ZFYVE28: variants seen among roughly 807,000 people sequenced by gnomAD.
The protein encoded by ZFYVE28 is zinc finger FYVE-type containing 28, also known as lateral signaling target protein 2 homolog.
In ZFYVE28, 40 loss-of-function variants were observed where a neutral mutation model predicts 82.1. The ratio of observed to expected loss-of-function variants is 0.49; its 90% confidence interval spans 0.38 to 0.63. ZFYVE28 has a LOEUF of 0.63. Ranked by LOEUF, ZFYVE28 falls within the 30% of genes least tolerant of loss-of-function variation. ZFYVE28 has a pLI of 0.00. For missense variants in ZFYVE28, 1,321 were observed against 1,242.1 expected (o/e 1.06, Z -0.96); for synonymous variants, 612 against 546.1 (o/e 1.12, Z -1.68).
chr4:2,273,280 T>G lies in ZFYVE28; in HGVS notation c.2216A>C (p.Asp739Ala). ...ACTGGCATAGTTCGTCTGCAGCTGGTCAGCCACACCTGAGGAAGGAAGGCC... is the reference window on the plus strand; with the variant it reads ...ACTGGCATAGTTCGTCTGCAGCTGGGCAGCCACACCTGAGGAAGGAAGGCC... ...RLFVCISGVADQLQTNYASDL... is the reference protein window; with the variant it reads ...RLFVCISGVAAQLQTNYASDL... Residue 739 changes from aspartate to alanine, a missense_variant, in exon 10 of 13, where the codon GAC becomes GCC. By Grantham distance (126) the Asp-to-Ala change is moderately radical (BLOSUM62 -2). This residue lies in a region of ZFYVE28 where 978 missense variants were observed against 833.7 expected (regional missense o/e 1.17). Transcript: ENST00000290974. 1 of 1,612,050 alleles carries G rather than the reference T, an allele frequency of 6.2e-7. No individual in the cohort carries two copies. Among genetic ancestry groups the G allele is most frequent in the African/African-American group, 1.3e-5 (1 of 75,040 alleles).
intron 7 of ZFYVE28, among the ~76,000 whole-genome samples, chr4:2,308,150 T>C (rs1383749069): frequency 6.6e-6 from 1 of 152,014 alleles, no homozygotes; most frequent in African/African-American, 2.4e-5. Context: ...AATGGGGTCT[T>C]GTTCTGTCAC....
chr4:2,292,514 G>C (rs943882383), intron 8 of ZFYVE28, among the ~76,000 whole-genome samples: 4 of 152,226 alleles, frequency 2.6e-5, no homozygotes, highest in Admixed American at 1.3e-4. Context: ...AGGTCATCGA[G>C]TGCCTGATAA....
intron 1 of ZFYVE28, among the ~76,000 whole-genome samples, chr4:2,356,483 T>C (rs73070613): frequency 0.015 from 2,160 of 142,250 alleles, 50 homozygotes; most frequent in African/African-American, 0.053. Context: ...TGCTCACAGA[T>C]GCCAGAGACA....
intron 8 of ZFYVE28, among the ~76,000 whole-genome samples, chr4:2,299,554 CTG>C (rs2108817578): frequency 2.3e-5 from 2 of 86,404 alleles, no homozygotes; most frequent in East Asian, 6.9e-4. Flanking sequence ...AGACAGGGAG[CTG>C]TGTTTGTGCC....
At chr4:2,346,010 G>C (rs1254077772) in intron 2 of ZFYVE28, among the ~76,000 whole-genome samples, 2 of 152,072 alleles carry the variant, frequency 1.3e-5, no homozygotes. Flanking sequence ...TTCATGACCA[G>C]TAGATTTGCA....
intron 1 of ZFYVE28, among the ~76,000 whole-genome samples, chr4:2,357,447 G>C (rs953483659): frequency 6.6e-6 from 1 of 152,192 alleles, no homozygotes; most frequent in Non-Finnish European, 1.5e-5. Context: ...GGCTGAGCTC[G>C]CAGCCTGCCC....
intron 8 of ZFYVE28, among the ~76,000 whole-genome samples, chr4:2,278,558 T>G (rs530179830): frequency 6.6e-6 from 1 of 152,206 alleles, no homozygotes; most frequent in Admixed American, 6.5e-5. Flanking sequence ...TTCCTAGACA[T>G]GACACCTAAA....
At chr4:2,364,922 G>A (rs1273040768) in intron 1 of ZFYVE28, 23 of 985,064 alleles carry the variant, frequency 2.3e-5, no homozygotes, top group Non-Finnish European at 2.8e-5. Context: ...AGTGGAGGCG[G>A]GGGCGGGGCC....
At chr4:2,396,920 C>A (rs1228179244) in intron 1 of ZFYVE28, among the ~76,000 whole-genome samples, 1 of 152,126 alleles carries the variant, frequency 6.6e-6, no homozygotes, top group Non-Finnish European at 1.5e-5. Flanking sequence ...GAGTCATGAC[C>A]CGAATTGAAT....
chr4:2,332,971 T>C lies in ZFYVE28; in HGVS notation c.701+2734A>G, dbSNP rs28562182. Among the ~76,000 whole-genome samples, 116,722 of 151,932 alleles carry C rather than the reference T, an allele frequency of 0.77. 45,294 individuals are homozygous for C. Among genetic ancestry groups the C allele is most frequent in the African/African-American group, 0.84 (34,920 of 41,446 alleles). ...CTGGACAGGCCTGCTCCCTGGACTCTGGCTTTGGGCTCTTATGCCCTCTCG... is the reference window on the plus strand; with the variant it reads ...CTGGACAGGCCTGCTCCCTGGACTCCGGCTTTGGGCTCTTATGCCCTCTCG... On this transcript the variant is annotated intron_variant, in intron 6 of 12. Transcript: ENST00000290974. This position sits in a 1 kb window ranked among gnomAD's most constrained non-coding sequence, Gnocchi z 4.7.
Position 2,335,718 on chromosome 4 carries a change from G to C in ZFYVE28, c.688C>G (p.Leu230Val). Residue 230 changes from leucine to valine, a missense_variant, in exon 6 of 13, where the codon CTG becomes GTG. By Grantham distance (32) the Leu-to-Val change is conservative (BLOSUM62 1). Around this residue, in one of 2 missense-constraint regions of ZFYVE28, gnomAD observed 343 missense variants for 408.4 expected, o/e 0.84. Transcript: ENST00000290974. This position sits in a 1 kb window ranked among gnomAD's most constrained non-coding sequence, Gnocchi z 5.8. ...GGAGGCACTCACCACACGATGGCCA[G>C]CCTGGGGATGCTGAACATGAGGGCC... ...EPALMFSIPR[L>V]AIVCGLVVYA... 1.3e-6 allele frequency: 2 copies of C among 1,575,100 alleles called. No individual in the cohort carries two copies. The highest frequency in any genetic ancestry group is 1.7e-6 in the Non-Finnish European group (2 of 1,160,278).
At chr4:2,338,126 T>C (rs1560232393) in intron 4 of ZFYVE28, among the ~76,000 whole-genome samples, 2 of 152,188 alleles carry the variant, frequency 1.3e-5, no homozygotes, top group Non-Finnish European at 2.9e-5. Context: ...CGTGCACGGG[T>C]GGGTGAACAA....
intron 1 of ZFYVE28, among the ~76,000 whole-genome samples, chr4:2,374,029 C>G (rs1394492528): frequency 2.0e-5 from 3 of 152,174 alleles, no homozygotes; most frequent in Admixed American, 2.0e-4. Context: ...ACTGCCTGAT[C>G]CACCAAGATG....
intron 1 of ZFYVE28, among the ~76,000 whole-genome samples, chr4:2,377,085 G>A (rs1473491993): frequency 1.3e-5 from 2 of 150,938 alleles, no homozygotes; most frequent in African/African-American, 4.9e-5. Flanking sequence ...GCAGTGGCGC[G>A]ATCTTGGCTC....
At chr4:2,369,746 C>T (rs933537485) in intron 1 of ZFYVE28, among the ~76,000 whole-genome samples, 2 of 151,896 alleles carry the variant, frequency 1.3e-5, no homozygotes, top group Non-Finnish European at 2.9e-5. Flanking sequence ...AGGCAAGGAG[C>T]GACCCTCCCT....
intron 1 of ZFYVE28, chr4:2,406,731 T>A (rs1351424037): frequency 3.3e-5 from 5 of 152,312 alleles, no homozygotes; most frequent in African/African-American, 1.2e-4. Context: ...TTTGCTCCAC[T>A]CCCTGTGATG....
intron 8 of ZFYVE28, among the ~76,000 whole-genome samples, chr4:2,276,137 G>A (rs961097660): frequency 6.6e-5 from 10 of 152,090 alleles, no homozygotes; most frequent in African/African-American, 2.4e-4. Context: ...GCAGCGGGCT[G>A]CGGCAGAGCG....
rs549305140 is a variant in ZFYVE28 at position 2,405,646 on chromosome 4, C to G, written c.39+12639G>C. The stretch of plus-strand genomic sequence containing the variant: ...GGAGAGTGGCCCCCGTGCCCATTGT[C>G]TCTGAGACCTCACGTCCCTTGGAGT... On this transcript the variant is annotated intron_variant, in intron 1 of 12. Coordinates refer to ENST00000290974, the MANE Select transcript of ZFYVE28 (RefSeq NM_020972.3). Among the ~76,000 whole-genome samples the G allele has an allele frequency of 1.3e-3, 198 of 152,356 alleles. 2 individuals carry two copies. The highest frequency in any genetic ancestry group is 1.4e-3 in the African/African-American group (57 of 41,578).
chr4:2,382,139 C>G (rs779261563), intron 1 of ZFYVE28, among the ~76,000 whole-genome samples: 2 of 152,238 alleles, frequency 1.3e-5, no homozygotes, highest in African/African-American at 4.8e-5. Flanking sequence ...ACACCTGGAT[C>G]CCCAGGCAGA....
Sources: allele counts gnomAD v4.1 joint callset (sites outside exome capture counted in the v4.1 genomes callset), GRCh38; gene constraint gnomAD v4.1.1; regional missense constraint gnomAD v4.1.1; non-coding constraint Gnocchi (gnomAD v3.1); transcripts MANE v1.5; gene names NCBI Gene and HGNC (gene_info 2026-07-23, HGNC 2026-07-21).